The following KIF23 variants were observed in gnomAD, a reference collection of about 807,000 sequenced individuals.
The protein encoded by KIF23 is kinesin family member 23, also known as kinesin-like protein KIF23.
A neutral mutation model predicts 137.5 loss-of-function variants in KIF23; 30 were observed. The observed-to-expected ratio is 0.22, with a 90% CI of 0.16 to 0.30. The LOEUF is 0.30. Ranked by LOEUF, KIF23 falls within the 10% of genes least tolerant of loss-of-function variation. The pLI, the probability that KIF23 is intolerant of heterozygous loss-of-function variation, is 1.00. For synonymous variants in KIF23, 367 were observed against 391.1 expected (o/e 0.94, Z 0.73); for missense variants, 920 against 1,194.3 (o/e 0.77, Z 3.38).
intron 3 of KIF23, among the ~76,000 whole-genome samples, chr15:69,420,975 T>C (rs1186090905): frequency 6.6e-6 from 1 of 152,226 alleles, no homozygotes; most frequent in African/African-American, 2.4e-5. Context: ...AAGTTGTGTA[T>C]GACATAATGC....
chr15:69,427,738 G>A (rs185812382), intron 10 of KIF23, among the ~76,000 whole-genome samples: 10 of 152,278 alleles, frequency 6.6e-5, no homozygotes, highest in African/African-American at 2.4e-4. Context: ...CCATTAAAGT[G>A]TAATTTTATT....
In KIF23 at chr15:69,426,137, G is replaced by A. The variant is rs991700425; in HGVS notation, c.844G>A (p.Val282Ile). 1.9e-6 allele frequency: 3 copies of A among 1,609,536 alleles called. No individual in the cohort carries two copies. The highest frequency in any genetic ancestry group is 2.5e-6 in the Non-Finnish European group (3 of 1,179,176). Residue 282 changes from valine (V) to isoleucine (I), a missense_variant, in exon 9 of 24, where the codon GTT (valine) becomes ATT (isoleucine). Coordinates refer to ENST00000679126, the MANE Select transcript of KIF23 (RefSeq NM_001367805.3). ...HNMYVAGCTE[V>I]EVKSTEEAFE... ...CATGTATGTTGCAGGATGTACAGAA[G>A]TTGAAGTGAAATCTACTGAGGAGGC...
intron 10 of KIF23, chr15:69,426,766 T>C (rs1208737230): frequency 7.4e-6 from 2 of 270,296 alleles, no homozygotes; most frequent in Non-Finnish European, 1.4e-5. Context: ...TGAAGATTGC[T>C]CTAGAATAAA....
rs1409041862 is a variant in KIF23 at position 69,440,898 on chromosome 15, T to C, written c.2240T>C (p.Ile747Thr). Residue 747 changes from isoleucine to threonine, a missense_variant, in exon 19 of 24, where the codon ATT becomes ACT. Around this residue, in one of 4 missense-constraint regions of KIF23, gnomAD observed 714 missense variants for 866.2 expected, o/e 0.82. Coordinates refer to ENST00000679126, the MANE Select transcript of KIF23 (RefSeq NM_001367805.3). ...ASCISEWEQK[I>T]PTYNTPLKVT... ...TGTATTTCGGAATGGGAGCAGAAAATTCCTACGTACAACACACCTCTCAAA... is the reference window on the plus strand; with the variant it reads ...TGTATTTCGGAATGGGAGCAGAAAACTCCTACGTACAACACACCTCTCAAA... The C allele has an allele frequency of 3.1e-6, 5 of 1,613,992 alleles. No individual in the cohort carries two copies. Among genetic ancestry groups the C allele is most frequent in the Non-Finnish European group, 3.4e-6 (4 of 1,180,020 alleles).
rs912326810 is a variant in KIF23 at position 69,417,420 on chromosome 15, A to T, written c.119A>T (p.Gln40Leu). Reference protein sequence around the residue: ...CRVRPLGFPDQECCIEVINNT... With the variant: ...CRVRPLGFPDLECCIEVINNT... ...GTGCGCCCACTGGGCTTTCCTGATC[A>T]AGAGTGTTGCATAGAAGTGATCAAT... The change falls in exon 3 of 24, where the codon CAA becomes CTA. Residue 40 changes from glutamine to leucine, a missense_variant. Coordinates refer to ENST00000679126, the MANE Select transcript of KIF23 (RefSeq NM_001367805.3). The T allele has an allele frequency of 1.2e-6, 2 of 1,613,060 alleles. No homozygotes were observed. The highest frequency in any genetic ancestry group is 2.7e-5 in the African/African-American group (2 of 74,916).
chr15:69,416,984 T>G (rs1259826209), intron 2 of KIF23, among the ~76,000 whole-genome samples: 1 of 152,066 alleles, frequency 6.6e-6, no homozygotes, highest in African/African-American at 2.4e-5. Context: ...TCTTTGTATA[T>G]TAAATGTTGG....
intron 20 of KIF23, 108 bp from the exon 21 acceptor site, chr15:69,445,901 G>A: frequency 1.2e-6 from 1 of 818,668 alleles, no homozygotes; most frequent in Non-Finnish European, 2.0e-6. Context: ...TGATTTTGTG[G>A]ATGGGAATTT....
chr15:69,444,463 A>G lies in KIF23; in HGVS notation c.2422-327A>G, dbSNP rs1335616511. The G allele has an allele frequency of 4.0e-6, 1 of 249,222 alleles. No homozygotes were observed. Among genetic ancestry groups the G allele is most frequent in the Admixed American group, 5.2e-5 (1 of 19,356 alleles). The allele number at this position is 249,222 out of a possible 1,614,324, so 15.4% of individuals were successfully genotyped here. ...AATAGATTACCTCTCAATAGCAGGG[A>G]TAAATATTGGTTTTTGATCAAGAAT... On this transcript the variant is annotated intron_variant, in intron 19 of 23. Transcript: ENST00000679126. The surrounding 1 kb of genome is among the most constrained non-coding windows in gnomAD (Gnocchi z 4.2).
At position 69,422,308 on chromosome 15, in the gene KIF23, T is replaced by C; in HGVS notation, c.454-18T>C. On this transcript the variant is annotated intron_variant, in intron 5 of 23. Coordinates refer to ENST00000679126, the MANE Select transcript of KIF23 (RefSeq NM_001367805.3). Reference sequence around the variant, plus strand: ...TAAAAAACGTGGTGTGATTTTTTTTTTTTTGCCCCCACTTCAGGTTTTCAA... The same window carrying C: ...TAAAAAACGTGGTGTGATTTTTTTTCTTTTGCCCCCACTTCAGGTTTTCAA... 6.7e-7 allele frequency: 1 copy of C among 1,500,324 alleles called. No individual in the cohort carries two copies. Among genetic ancestry groups the C allele is most frequent in the Non-Finnish European group, 9.1e-7 (1 of 1,099,456 alleles). The allele number at this position is 1,500,324 out of a possible 1,614,324, so 92.9% of individuals were successfully genotyped here.
At chr15:69,423,498 A>G (rs2057113867) in intron 7 of KIF23, among the ~76,000 whole-genome samples, 169 bp downstream of exon 7, 1 of 152,196 alleles carries the variant, frequency 6.6e-6, no homozygotes, top group Admixed American at 6.5e-5. Context: ...TATGTTTATT[A>G]TTAACTAGAT....
chr15:69,421,641 C>G lies in KIF23; in HGVS notation c.211-6C>G. ...CTATTTAGTGCATTTTTTTCTCTCT[C>G]CACAGACTCAGTATTCATTTAAACA... On this transcript the variant is annotated splice_polypyrimidine_tract_variant and splice_region_variant and intron_variant, in intron 3 of 23. Transcript: ENST00000679126. The G allele has an allele frequency of 2.5e-6, 4 of 1,579,726 alleles. No homozygotes were observed. The highest frequency in any genetic ancestry group is 2.6e-6 in the Non-Finnish European group (3 of 1,149,768).
intron 3 of KIF23, among the ~76,000 whole-genome samples, chr15:69,420,721 C>T (rs1392687395): frequency 6.6e-6 from 1 of 152,106 alleles, no homozygotes; most frequent in Admixed American, 6.6e-5. Flanking sequence ...CAGGGTCTCA[C>T]TTGTTGCCCA....
chr15:69,415,099 A>G (rs1057267572), intron 1 of KIF23: 4 of 152,230 alleles, frequency 2.6e-5, no homozygotes, highest in Admixed American at 2.6e-4. Context: ...TCGGCGCAGC[A>G]TCATTCCTGG....
At chr15:69,443,970 GTTTT>G (rs1567080991) in intron 19 of KIF23, 7 of 8,890 alleles carry the variant, frequency 7.9e-4, no homozygotes, top group Non-Finnish European at 7.2e-3. Context: ...ATTTTTGTTT[GTTTT>G]GTTTTGTTTT....
Position 69,421,640 on chromosome 15 carries a change from T to C in KIF23, c.211-7T>C. 6.3e-7 allele frequency: 1 copy of C among 1,575,858 alleles called. No homozygotes were observed. On this transcript the variant is annotated splice_polypyrimidine_tract_variant and splice_region_variant and intron_variant, in intron 3 of 23. Transcript: ENST00000679126. The stretch of plus-strand genomic sequence containing the variant: ...TCTATTTAGTGCATTTTTTTCTCTC[T>C]CCACAGACTCAGTATTCATTTAAAC...
chr15:69,417,290 T>C, intron 2 of KIF23, 93 bp from the exon 3 acceptor site: 1 of 1,205,852 alleles, frequency 8.3e-7, no homozygotes, highest in Non-Finnish European at 1.1e-6. Flanking sequence ...AGAGACTGAA[T>C]GTTTGTTGAA....
intron 6 of KIF23, 58 bp downstream of exon 6, chr15:69,422,493 G>A: frequency 1.0e-6 from 1 of 982,598 alleles, no homozygotes; most frequent in Middle Eastern, 2.1e-4. Context: ...CTTTCCTGTG[G>A]TTTGCCCAGA....
At chr15:69,441,288 G>T (rs960437217) in intron 19 of KIF23, among the ~76,000 whole-genome samples, 2 of 152,220 alleles carry the variant, frequency 1.3e-5, no homozygotes, top group African/African-American at 4.8e-5. Context: ...CAGCGGAAGT[G>T]TGTTCAGTGA....
chr15:69,438,366 A>C lies in KIF23; in HGVS notation c.1716A>C (p.Ile572=). ...EKMISGQKLE[I]ERLEKKNKTL... Reference sequence around the variant, plus strand: ...TGATCTCAGGACAGAAATTGGAAATAGAACGACTGGAAAAGAAAAACAAAA... The same window carrying C: ...TGATCTCAGGACAGAAATTGGAAATCGAACGACTGGAAAAGAAAAACAAAA... The change falls in exon 16 of 24, where the codon ATA becomes ATC. Residue 572 remains isoleucine (I), a synonymous_variant. Transcript: ENST00000679126. The C allele has an allele frequency of 6.2e-7, 1 of 1,610,684 alleles. No individual in the cohort carries two copies. Among genetic ancestry groups the C allele is most frequent in the Non-Finnish European group, 8.5e-7 (1 of 1,179,282 alleles).
Sources: gnomAD v4.1 joint callset for allele counts (sites outside exome capture counted in the v4.1 genomes callset) on GRCh38, gnomAD v4.1.1 for gene constraint, gnomAD v4.1.1 regional missense constraint, Gnocchi (gnomAD v3.1) non-coding constraint, MANE v1.5 for transcripts, NCBI Gene and HGNC (gene_info 2026-07-23, HGNC 2026-07-21) for gene names.